Variants in WWP2 observed in about 807,000 individuals in gnomAD.
WWP2 encodes WW domain containing E3 ubiquitin protein ligase 2.
A neutral mutation model predicts 121.0 loss-of-function variants in WWP2; 57 were observed. The ratio of observed to expected loss-of-function variants is 0.47; its 90% confidence interval spans 0.38 to 0.59. The LOEUF (loss-of-function observed/expected upper bound fraction) is 0.59. Among genes scored for constraint, WWP2 ranks in the 20% least tolerant of loss-of-function variants. The pLI is 0.00. For synonymous variants in WWP2, 449 were observed against 441.3 expected, an observed-to-expected ratio of 1.02 and a Z score of -0.22; for missense variants, 962 against 1,158.9, an observed-to-expected ratio of 0.83 and a Z score of 2.47.
chr16:69,907,073 A>G (rs1423301186), intron 8 of WWP2, among the ~76,000 whole-genome samples: 5 of 152,206 alleles, frequency 3.3e-5, no homozygotes, highest in Non-Finnish European at 5.9e-5. Flanking sequence ...TTTTCTCTTG[A>G]GAAGACCTGA....
chr16:69,827,026 C>T (rs950632251), intron 4 of WWP2, among the ~76,000 whole-genome samples: 1 of 151,324 alleles, frequency 6.6e-6, no homozygotes, highest in Non-Finnish European at 1.5e-5. Flanking sequence ...CAGCACACAT[C>T]TACTTGTCCT....
At chr16:69,896,600 T>C (rs2058107895) in intron 8 of WWP2, among the ~76,000 whole-genome samples, 4 of 152,156 alleles carry the variant, frequency 2.6e-5, no homozygotes, top group South Asian at 2.1e-4. Context: ...TCTGATCTTA[T>C]TATAAAAGCC....
chr16:69,818,754 C>T (rs2056541652), intron 4 of WWP2, among the ~76,000 whole-genome samples: 1 of 152,104 alleles, frequency 6.6e-6, no homozygotes, highest in Non-Finnish European at 1.5e-5. Flanking sequence ...TTCAGTCTCC[C>T]TTGCTCGTTT....
intron 8 of WWP2, among the ~76,000 whole-genome samples, chr16:69,895,928 G>A (rs568676393): frequency 6.6e-6 from 1 of 152,158 alleles, no homozygotes; most frequent in African/African-American, 2.4e-5. Flanking sequence ...AGTATGGTTA[G>A]TTTGTGACTC....
At chr16:69,839,426 G>A (rs2056934806) in intron 4 of WWP2, among the ~76,000 whole-genome samples, 1 of 152,148 alleles carries the variant, frequency 6.6e-6, no homozygotes, top group Non-Finnish European at 1.5e-5. Context: ...GCCTGCCTAG[G>A]GCTTGGTGCT....
intron 21 of WWP2, 101 bp from the exon 22 acceptor site, chr16:69,938,926 A>G: frequency 9.6e-7 from 1 of 1,037,280 alleles, no homozygotes; most frequent in East Asian, 2.6e-5. Context: ...TTGTGTTCTC[A>G]GCCCCAAAGA....
intron 9 of WWP2, among the ~76,000 whole-genome samples, chr16:69,915,715 C>T (rs1209821935): frequency 2.6e-5 from 4 of 152,060 alleles, no homozygotes; most frequent in Admixed American, 2.0e-4. Flanking sequence ...TCCCTGCAGT[C>T]CTGTTTATGT....
intron 1 of WWP2, among the ~76,000 whole-genome samples, chr16:69,762,847 C>T (rs190246137): frequency 1.4e-4 from 22 of 152,274 alleles, no homozygotes; most frequent in African/African-American, 5.1e-4. Flanking sequence ...CTCTCCCTTC[C>T]TTCCTGTTTG....
chr16:69,883,596 G>A (rs983504991), intron 7 of WWP2, among the ~76,000 whole-genome samples: 2 of 152,096 alleles, frequency 1.3e-5, no homozygotes, highest in African/African-American at 2.4e-5. Flanking sequence ...TCCGGGGTAC[G>A]TGTACAGGAT....
intron 6 of WWP2, among the ~76,000 whole-genome samples, chr16:69,853,108 G>A (rs1306693251): frequency 2.0e-5 from 3 of 152,162 alleles, no homozygotes; most frequent in East Asian, 1.9e-4. Flanking sequence ...CTATTTCTGC[G>A]GTAAATTATT....
intron 5 of WWP2, among the ~76,000 whole-genome samples, chr16:69,841,307 T>C (rs1276246590): frequency 1.3e-5 from 2 of 152,122 alleles, no homozygotes; most frequent in East Asian, 1.9e-4. Context: ...CTGTACTTTG[T>C]TGGGGGAGAT....
intron 6 of WWP2, among the ~76,000 whole-genome samples, chr16:69,843,185 T>A (rs2057011288): frequency 6.6e-6 from 1 of 152,140 alleles, no homozygotes; most frequent in African/African-American, 2.4e-5. Context: ...CTTTGTGCAA[T>A]TTTCTGTCAT....
chr16:69,899,452 G>A (rs1021867052), intron 8 of WWP2, among the ~76,000 whole-genome samples: 2 of 152,084 alleles, frequency 1.3e-5, no homozygotes, highest in South Asian at 2.1e-4. Context: ...GATGTGGGCC[G>A]GGTGCAATGG....
At chr16:69,936,211 G>T (rs1004182822) in intron 18 of WWP2, 101 bp from the exon 19 acceptor site, 18 of 1,554,370 alleles carry the variant, frequency 1.2e-5, no homozygotes, top group Non-Finnish European at 1.6e-5. Flanking sequence ...CAGGATTCTA[G>T]GCCACCTGTG....
At chr16:69,808,635 C>G (rs908286561) in intron 4 of WWP2, among the ~76,000 whole-genome samples, 2 of 152,344 alleles carry the variant, frequency 1.3e-5, no homozygotes, top group Non-Finnish European at 1.5e-5. Flanking sequence ...CTCCTGACCT[C>G]AGGTGGTCTG....
intron 8 of WWP2, among the ~76,000 whole-genome samples, chr16:69,890,323 T>C (rs1246437229): frequency 6.6e-6 from 1 of 152,154 alleles, no homozygotes; most frequent in African/African-American, 2.4e-5. Context: ...CACATACCTT[T>C]GTACCTCAAA....
chr16:69,938,671 A>G (rs1450602810), intron 21 of WWP2, among the ~76,000 whole-genome samples: 1 of 152,176 alleles, frequency 6.6e-6, no homozygotes, highest in Non-Finnish European at 1.5e-5. Flanking sequence ...TGCACCTGGC[A>G]CCACTATCTA....
At chr16:69,792,459 A>G (rs1417827871) in intron 2 of WWP2, among the ~76,000 whole-genome samples, 16 of 152,224 alleles carry the variant, frequency 1.1e-4, no homozygotes, top group Non-Finnish European at 2.9e-5. Context: ...CTGTGTATAA[A>G]GATATATTTC....
intron 7 of WWP2, among the ~76,000 whole-genome samples, chr16:69,874,559 T>G (rs953191397): frequency 1.3e-5 from 2 of 152,190 alleles, no homozygotes; most frequent in African/African-American, 4.8e-5. Flanking sequence ...GTATCCATTT[T>G]TATAAAACAA....
Sources: allele counts gnomAD v4.1 joint callset (sites outside exome capture counted in the v4.1 genomes callset), GRCh38; gene constraint gnomAD v4.1.1; transcripts MANE v1.5; gene names NCBI Gene and HGNC (gene_info 2026-07-23, HGNC 2026-07-21).